CATSPERG: variants seen among roughly 807,000 people sequenced by gnomAD.
CATSPERG encodes catsper channel auxiliary subunit gamma, also known as cation channel sperm-associated auxiliary subunit gamma.
Under a neutral mutation model 145.0 loss-of-function variants are expected in CATSPERG, and 115 were observed. That is an observed-to-expected ratio of 0.79 (90% CI 0.68 to 0.93). CATSPERG has a LOEUF of 0.93. Among genes scored for constraint, CATSPERG ranks in the 40% least tolerant of loss-of-function variants. The pLI is 0.00. For synonymous variants in CATSPERG, 588 were observed against 589.0 expected, an observed-to-expected ratio of 1.00 and a Z score of 0.02; for missense variants, 1,296 against 1,490.1, an observed-to-expected ratio of 0.87 and a Z score of 2.14.
In CATSPERG at chr19:38,365,125, A is replaced by T; in HGVS notation, c.2613+8A>T. 1 of 1,612,980 alleles carries T rather than the reference A, an allele frequency of 6.2e-7. No homozygotes were observed. The highest frequency in any genetic ancestry group is 8.5e-7 in the Non-Finnish European group (1 of 1,179,770). On this transcript the variant is annotated splice_region_variant and intron_variant, in intron 22 of 28. Transcript: ENST00000409235. ...CTGGGGCCCCATATGCAAGTATTGGAGCTTGGGATACTGGGCCCTGGGAGG... is the reference window on the plus strand; with the variant it reads ...CTGGGGCCCCATATGCAAGTATTGGTGCTTGGGATACTGGGCCCTGGGAGG...
chr19:38,343,459 C>T, intron 3 of CATSPERG, 121 bp from the exon 4 acceptor site: 1 of 879,764 alleles, frequency 1.1e-6, no homozygotes, highest in Non-Finnish European at 1.7e-6. Context: ...CTGACCATCA[C>T]ATGGTGGACA....
intron 6 of CATSPERG, among the ~76,000 whole-genome samples, chr19:38,344,767 C>A (rs1412999601): frequency 7.3e-6 from 1 of 137,926 alleles, no homozygotes; most frequent in African/African-American, 2.7e-5. Context: ...TAGTACATAC[C>A]TGTACATACA....
intron 9 of CATSPERG, 78 bp downstream of exon 9, chr19:38,354,925 C>A: frequency 6.6e-7 from 1 of 1,521,726 alleles, no homozygotes; most frequent in South Asian, 1.2e-5. Context: ...ACCTTGGGCC[C>A]TCACTCATTA....
At chr19:38,343,303 C>T (rs1407261839) in intron 3 of CATSPERG, among the ~76,000 whole-genome samples, 1 of 152,136 alleles carries the variant, frequency 6.6e-6, no homozygotes, top group Non-Finnish European at 1.5e-5. Flanking sequence ...CTATGTATTC[C>T]CTACATGCAC....
rs747735702 is a variant in CATSPERG, at chr19:38,358,377, G to T, written c.1366+49G>T. The T allele has an allele frequency of 2.8e-5, 45 of 1,613,818 alleles. No homozygotes were observed. In the South Asian group the frequency reaches 4.9e-4, roughly 18 times the overall value. On this transcript the variant is annotated intron_variant, in intron 12 of 28. Transcript: ENST00000409235. Reference sequence around the variant, plus strand: ...CCTCAGGGTGGCTGTGGGCCAGGAGGGGCCCAGGTGACTCCACTTCACTGC... The same window carrying T: ...CCTCAGGGTGGCTGTGGGCCAGGAGTGGCCCAGGTGACTCCACTTCACTGC...
chr19:38,362,777 T>G lies in CATSPERG; in HGVS notation c.2420T>G (p.Ile807Ser), dbSNP rs1970373410. 1.2e-6 allele frequency: 2 copies of G among 1,613,896 alleles called. No homozygotes were observed. Among genetic ancestry groups the G allele is most frequent in the Non-Finnish European group, 1.7e-6 (2 of 1,179,986 alleles). ...GTGGTGCTGGCCGACCCCGGCTGCA[T>G]CGAGGCCTCGGTGAAGCAGGAGGTC... ...VGVVLADPGC[I>S]EASVKQEVLI... is the part of the protein sequence containing the mutation. Residue 807 changes from isoleucine (I) to serine (S), a missense_variant, in exon 20 of 29, where the codon ATC becomes AGC. Physicochemically the swap from Ile to Ser is moderately radical, Grantham distance 142 (BLOSUM62 -2). Coordinates refer to ENST00000409235, the MANE Select transcript of CATSPERG (RefSeq NM_021185.5).
At chr19:38,369,885 C>A in intron 26 of CATSPERG, 87 bp from the exon 27 acceptor site, 1 of 1,243,122 alleles carries the variant, frequency 8.0e-7, no homozygotes, top group Non-Finnish European at 1.2e-6. Flanking sequence ...TTGGTCCTCA[C>A]CGAAAACATT....
chr19:38,364,093 G>GC (rs1343053608), intron 20 of CATSPERG, among the ~76,000 whole-genome samples: 1 of 151,340 alleles, frequency 6.6e-6, no homozygotes, highest in Non-Finnish European at 1.5e-5. Flanking sequence ...CGGGCGGGGG[G>GC]CTGACCCCCC....
intron 25 of CATSPERG, 119 bp from the exon 26 acceptor site, chr19:38,367,929 C>A: frequency 1.8e-6 from 2 of 1,141,206 alleles, no homozygotes; most frequent in Non-Finnish European, 2.6e-6. Context: ...AACTCCTGCC[C>A]GCCCCTAACA....
intron 3 of CATSPERG, among the ~76,000 whole-genome samples, chr19:38,342,036 C>T (rs1450152866): frequency 6.7e-6 from 1 of 149,220 alleles, no homozygotes; most frequent in East Asian, 2.0e-4. Context: ...TGTGATGGCA[C>T]CACTGCACTC....
chr19:38,343,906 G>T, intron 4 of CATSPERG, 87 bp from the exon 5 acceptor site: 1 of 1,500,922 alleles, frequency 6.7e-7, no homozygotes, highest in Non-Finnish European at 9.0e-7. Context: ...GGTATGGGGA[G>T]TTGTGGGGAG....
intron 3 of CATSPERG, among the ~76,000 whole-genome samples, chr19:38,339,876 A>G: frequency 6.8e-6 from 1 of 146,912 alleles, no homozygotes; most frequent in Non-Finnish European, 1.5e-5. Flanking sequence ...TTTTTTTGAG[A>G]CAAAATCTCA....
intron 20 of CATSPERG, among the ~76,000 whole-genome samples, chr19:38,364,326 G>A (rs536287138): frequency 6.6e-6 from 1 of 152,244 alleles, no homozygotes; most frequent in East Asian, 1.9e-4. Flanking sequence ...CCCAGATGGG[G>A]TCGCGACCGG....
Position 38,367,701 on chromosome 19 carries a change from G to A in CATSPERG, c.2855G>A (p.Gly952Asp), listed in dbSNP as rs1568384160. ...GGTAGCTATGTTCTGCTGGTGGTGG[G>A]TGGCGGGCCCACACTGGACAGCCTC... is the stretch of plus-strand genomic sequence containing the variant. ...FQGSYVLLVV[G>D]GGPTLDSLKD... Residue 952 changes from glycine (G) to aspartate (D), a missense_variant, in exon 25 of 29, where the codon GGT (glycine) becomes GAT (aspartate). Gly to Asp is a moderately conservative substitution (Grantham distance 94). Transcript: ENST00000409235. 3.1e-6 allele frequency: 5 copies of A among 1,614,130 alleles called. No homozygotes were observed. Among genetic ancestry groups the A allele is most frequent in the Non-Finnish European group, 4.2e-6 (5 of 1,180,016 alleles).
intron 20 of CATSPERG, among the ~76,000 whole-genome samples, chr19:38,363,874 A>T (rs931650364): frequency 1.3e-5 from 2 of 152,220 alleles, no homozygotes; most frequent in Non-Finnish European, 2.9e-5. Flanking sequence ...CTTTCTACAC[A>T]GACACGGCAA....
Position 38,358,278 on chromosome 19 carries a change from C to G in CATSPERG, c.1316C>G (p.Ala439Gly). 1 of 1,614,176 alleles carries G rather than the reference C, an allele frequency of 6.2e-7. No homozygotes were observed. The highest frequency in any genetic ancestry group is 8.5e-7 in the Non-Finnish European group (1 of 1,180,010). Residue 439 changes from alanine (A) to glycine (G), a missense_variant and splice_region_variant, in exon 12 of 29, where the codon GCT becomes GGT. Physicochemically the swap from Ala to Gly is moderately conservative, Grantham distance 60 (BLOSUM62 0). Coordinates refer to ENST00000409235, the MANE Select transcript of CATSPERG (RefSeq NM_021185.5). ...KRFQVVSYNT[A>G]SDDLELLYHI... ...TTTGCTGTGTTCTCCCCACCTGTAGCTAGTGATGACCTGGAACTTCTCTAC... is the reference window on the plus strand; with the variant it reads ...TTTGCTGTGTTCTCCCCACCTGTAGGTAGTGATGACCTGGAACTTCTCTAC...
At chr19:38,339,180 G>C (rs1361219998) in intron 3 of CATSPERG, among the ~76,000 whole-genome samples, 3 of 152,184 alleles carry the variant, frequency 2.0e-5, no homozygotes, top group Non-Finnish European at 2.9e-5. Context: ...CAGCTGTGAT[G>C]GTTTAGCATT....
chr19:38,352,452 A>C lies in CATSPERG; in HGVS notation c.997+20A>C. 1 of 1,551,378 alleles carries C rather than the reference A, an allele frequency of 6.4e-7. No individual in the cohort carries two copies. The highest frequency in any genetic ancestry group is 8.7e-7 in the Non-Finnish European group (1 of 1,146,962). On this transcript the variant is annotated intron_variant, in intron 8 of 28. Transcript: ENST00000409235. ...GCAGTGGTGAGTGTGCTGTGGCTGG[A>C]CCCACGCCTGGGGAGGGCACCCTGG...
chr19:38,344,485 C>T, intron 6 of CATSPERG, 117 bp downstream of exon 6: 1 of 836,118 alleles, frequency 1.2e-6, no homozygotes, highest in Non-Finnish European at 2.0e-6. Flanking sequence ...TGCCAGGCCC[C>T]ACATGAAGAT....
Sources: allele counts gnomAD v4.1 joint callset (sites outside exome capture counted in the v4.1 genomes callset), GRCh38; gene constraint gnomAD v4.1.1; transcripts MANE v1.5; gene names NCBI Gene and HGNC (gene_info 2026-07-23, HGNC 2026-07-21).